CFAP54: variants seen among roughly 807,000 people sequenced by gnomAD.
The protein encoded by CFAP54 is cilia- and flagella-associated protein 54.
In CFAP54, 290 loss-of-function variants were observed where a neutral mutation model predicts 370.4. That is an observed-to-expected ratio of 0.78 (90% CI 0.71 to 0.86). The LOEUF is 0.86. Among genes scored for constraint, CFAP54 ranks in the 40% least tolerant of loss-of-function variants. CFAP54 has a pLI of 0.00. For missense variants in CFAP54, 3,399 were observed against 3,528.7 expected, an observed-to-expected ratio of 0.96 and a Z score of 0.93; for synonymous variants, 1,206 against 1,236.5, an observed-to-expected ratio of 0.98 and a Z score of 0.52.
intron 48 of CFAP54, among the ~76,000 whole-genome samples, chr12:96,712,348 A>T (rs1389996236): frequency 6.6e-6 from 1 of 152,166 alleles, no homozygotes; most frequent in Non-Finnish European, 1.5e-5. Flanking sequence ...TATATAATAA[A>T]TTCTCATATG....
At chr12:96,689,949 A>C (rs1957372115) in intron 43 of CFAP54, among the ~76,000 whole-genome samples, 2 of 152,132 alleles carry the variant, frequency 1.3e-5, no homozygotes, top group Admixed American at 1.3e-4. Flanking sequence ...CAGACTTTTC[A>C]ATTTTCTTAT....
intron 32 of CFAP54, among the ~76,000 whole-genome samples, chr12:96,630,873 A>G (rs1956600609): frequency 6.6e-6 from 1 of 152,054 alleles, no homozygotes; most frequent in African/African-American, 2.4e-5. Flanking sequence ...GAACTAATAT[A>G]GAATATTTGG....
At chr12:96,490,820 A>G (rs891695586) in intron 1 of CFAP54, among the ~76,000 whole-genome samples, 5 of 126,908 alleles carry the variant, frequency 3.9e-5, no homozygotes, top group African/African-American at 1.3e-4. Context: ...TTAACAAAAC[A>G]TATAAGAATC....
intron 17 of CFAP54, among the ~76,000 whole-genome samples, chr12:96,562,175 A>G (rs1031519909): frequency 1.1e-4 from 17 of 152,086 alleles, no homozygotes; most frequent in African/African-American, 4.1e-4. Flanking sequence ...CATATTGAGC[A>G]TTCTGGTTCG....
intron 5 of CFAP54, among the ~76,000 whole-genome samples, chr12:96,515,922 T>TC (rs1955227294): frequency 6.8e-6 from 1 of 147,744 alleles, no homozygotes; most frequent in Non-Finnish European, 1.5e-5. Flanking sequence ...GTTTTTTTTT[T>TC]TTTTTTTTTT....
At chr12:96,723,599 G>A (rs1453917612) in intron 50 of CFAP54, among the ~76,000 whole-genome samples, 3 of 151,966 alleles carry the variant, frequency 2.0e-5, no homozygotes, top group Admixed American at 2.0e-4. Context: ...GAAAGATTAT[G>A]TTTAGAGTTG....
chr12:96,576,478 A>G (rs1955977083), intron 19 of CFAP54, 107 bp from the exon 20 acceptor site: 1 of 889,288 alleles, frequency 1.1e-6, no homozygotes, highest in Non-Finnish European at 1.6e-6. Flanking sequence ...AGGCTTGAAA[A>G]ACTGCATATA....
intron 26 of CFAP54, among the ~76,000 whole-genome samples, chr12:96,613,062 A>C (rs905254441): frequency 6.6e-6 from 1 of 152,234 alleles, no homozygotes; most frequent in Non-Finnish European, 1.5e-5. Flanking sequence ...AATCAACAGA[A>C]TATACATTAT....
At position 96,623,838 on chromosome 12, in the gene CFAP54, G is replaced by C. The variant is rs1166620522; in HGVS notation, c.3843G>C (p.Gln1281His). The C allele has an allele frequency of 6.5e-7, 1 of 1,535,768 alleles. No individual in the cohort carries two copies. Among genetic ancestry groups the C allele is most frequent in the Admixed American group, 2.0e-5 (1 of 50,982 alleles). ...TACTGCCTGAAAAGATAAATGAACA[G>C]CTGGCCTTGTTGGAGACACACCTAC... ...QILLPEKINE[Q>H]LALLETHLLK... Residue 1281 changes from glutamine to histidine, a missense_variant, in exon 28 of 68, where the codon CAG (glutamine) becomes CAC (histidine). Transcript: ENST00000524981.
In CFAP54 at chr12:96,730,004, C is replaced by T. The variant is rs117602874; in HGVS notation, c.6965+9439C>T. Among the ~76,000 whole-genome samples, 1,474 of 152,194 alleles carry T rather than the reference C, an allele frequency of 9.7e-3. 58 individuals are homozygous for T. In the East Asian group the frequency reaches 0.1, roughly 11 times the overall value. The stretch of plus-strand genomic sequence containing the variant: ...TGTTCTGATATGATTGGCACACAGT[C>T]GAGTAGGAGCCCGGTCCAGTCTTCT... On this transcript the variant is annotated intron_variant, in intron 50 of 67. Coordinates refer to ENST00000524981, the MANE Select transcript of CFAP54 (RefSeq NM_001306084.2).
chr12:96,559,426 T>C (rs1275935413), intron 17 of CFAP54, among the ~76,000 whole-genome samples: 1 of 152,124 alleles, frequency 6.6e-6, no homozygotes, highest in Non-Finnish European at 1.5e-5. Context: ...AAAAGTTAAC[T>C]GTGGTAAACT....
chr12:96,715,738 G>A (rs566846472), intron 48 of CFAP54, among the ~76,000 whole-genome samples: 8 of 152,104 alleles, frequency 5.3e-5, no homozygotes, highest in Admixed American at 2.6e-4. Flanking sequence ...AAGACAAAAG[G>A]CACTTTTGGC....
chr12:96,777,165 A>C (rs1212665119), intron 60 of CFAP54, among the ~76,000 whole-genome samples: 1 of 152,164 alleles, frequency 6.6e-6, no homozygotes, highest in Non-Finnish European at 1.5e-5. Context: ...AAAAGTGCTC[A>C]TTCAGCTTGC....
chr12:96,835,311 A>G (rs562643120), intron 66 of CFAP54, among the ~76,000 whole-genome samples: 39 of 151,902 alleles, frequency 2.6e-4, no homozygotes, highest in African/African-American at 8.2e-4. Context: ...CCGATCGTCT[A>G]CTCTGCCCTG....
rs77545429 is a variant in CFAP54 at position 96,803,668 on chromosome 12, C to A, written c.8851-8068C>A. 9.5e-3 allele frequency among the ~76,000 whole-genome samples: 1,448 copies of A among 152,276 alleles called. 56 individuals are homozygous for A. The East Asian group carries it at 0.1, about 11-fold the overall frequency. Reference sequence around the variant, plus strand: ...AGAAGTAACACAAAGTTTGAACTATCGCAGTCACCCAAAATCAAAGCCAAA... The same window carrying A: ...AGAAGTAACACAAAGTTTGAACTATAGCAGTCACCCAAAATCAAAGCCAAA... On this transcript the variant is annotated intron_variant, in intron 63 of 67. Coordinates refer to ENST00000524981, the MANE Select transcript of CFAP54 (RefSeq NM_001306084.2).
Position 96,547,579 on chromosome 12 carries a change from T to A in CFAP54, c.2078-323T>A, listed in dbSNP as rs992979178. 4.6e-5 allele frequency among the ~76,000 whole-genome samples: 7 copies of A among 152,336 alleles called. No individual in the cohort carries two copies. In the East Asian group the frequency reaches 5.8e-4, roughly 13 times the overall value. On this transcript the variant is annotated intron_variant, in intron 14 of 67. Transcript: ENST00000524981. ...GGTTTGTTACGTTACAAGATTTTTT[T>A]AAATTACCTTACAGAAGAAAATATT...
chr12:96,732,110 T>TTGTGTG (rs34235358), intron 50 of CFAP54, among the ~76,000 whole-genome samples: 2 of 148,886 alleles, frequency 1.3e-5, no homozygotes, highest in African/African-American at 2.5e-5. Context: ...GTGTGTGTGT[T>TTGTGTG]TGTGTGTGTG....
rs558014931 is a variant in CFAP54 at position 96,602,675 on chromosome 12, T to G, written c.3639+3908T>G. 1.9e-4 allele frequency among the ~76,000 whole-genome samples: 29 copies of G among 152,370 alleles called. No homozygotes were observed. The South Asian group carries it at 5.6e-3, about 29-fold the overall frequency. On this transcript the variant is annotated intron_variant, in intron 26 of 67. Coordinates refer to ENST00000524981, the MANE Select transcript of CFAP54 (RefSeq NM_001306084.2). ...TGCATATATATTTAGGATAGTTACC[T>G]CATTTTGTTGAATTGATCCCTTTAC...
intron 67 of CFAP54, among the ~76,000 whole-genome samples, chr12:96,872,250 A>T (rs747829861): frequency 2.0e-5 from 3 of 152,210 alleles, no homozygotes; most frequent in African/African-American, 7.2e-5. Flanking sequence ...CATCAGAAAC[A>T]TTGGAGACCA....
Sources: gnomAD v4.1 joint callset for allele counts (sites outside exome capture counted in the v4.1 genomes callset) on GRCh38, gnomAD v4.1.1 for gene constraint, MANE v1.5 for transcripts, NCBI Gene and HGNC (gene_info 2026-07-23, HGNC 2026-07-21) for gene names.